Variants in KCNQ1 observed in about 807,000 individuals in gnomAD.
The protein encoded by KCNQ1 is potassium voltage-gated channel subfamily KQT member 1.
In KCNQ1, 49 loss-of-function variants were observed where a neutral mutation model predicts 72.4. The ratio of observed to expected loss-of-function variants is 0.68; its 90% CI spans 0.54 to 0.86. The LOEUF is 0.86. KCNQ1 is among the 40% of genes least tolerant of loss of function. The pLI, the probability that KCNQ1 is intolerant of heterozygous loss-of-function variation, is 0.00. For synonymous variants in KCNQ1, 450 were observed against 412.6 expected (o/e 1.09, Z -1.10); for missense variants, 790 against 945.1 (o/e 0.84, Z 2.15).
chr11:2,644,030 C>G (rs1564843225), intron 10 of KCNQ1: 1 of 398,438 alleles, frequency 2.5e-6, no homozygotes, highest in Non-Finnish European at 4.4e-6. Flanking sequence ...TTTTATGATT[C>G]TCTCTTTGTC....
In KCNQ1 at chr11:2,538,096, C is replaced by T. The variant is rs763561565; in HGVS notation, c.477+10078C>T. ...TTCTCCGTATAAAGCCCGTGTATAT[C>T]CTCTGGAATGAGGACCTTCAACTTA... On this transcript the variant is annotated intron_variant, in intron 2 of 15. Coordinates refer to ENST00000155840, the MANE Select transcript of KCNQ1 (RefSeq NM_000218.3). The surrounding 1 kb of genome is among the most constrained non-coding windows in gnomAD (Gnocchi z 6.7). Among the ~76,000 whole-genome samples the T allele has an allele frequency of 1.3e-5, 2 of 152,166 alleles. No homozygotes were observed. Among genetic ancestry groups the T allele is most frequent in the Non-Finnish European group, 2.9e-5 (2 of 68,038 alleles).
chr11:2,498,718 G>A lies in KCNQ1; in HGVS notation c.387-29210G>A, dbSNP rs1418813629. Among the ~76,000 whole-genome samples, 1 of 151,854 alleles carries A rather than the reference G, an allele frequency of 6.6e-6. No homozygotes were observed. Among genetic ancestry groups the A allele is most frequent in the African/African-American group, 2.4e-5 (1 of 41,160 alleles). On this transcript the variant is annotated intron_variant, in intron 1 of 15. Transcript: ENST00000155840. This position sits in a 1 kb window ranked among gnomAD's most constrained non-coding sequence, Gnocchi z 4.8. ...TGATTCTGTCTTGCTGGGGTTCCAG[G>A]CACCACTGGGGTACAGAAAAAACTC... is the stretch of plus-strand genomic sequence containing the variant.
chr11:2,847,656 C>G (rs1175301031), intron 15 of KCNQ1, 111 bp from the exon 16 acceptor site: 1 of 1,012,682 alleles, frequency 9.9e-7, no homozygotes, highest in African/African-American at 1.6e-5. Flanking sequence ...CATGCACTTG[C>G]AGAGACGGTT....
chr11:2,722,016 C>T (rs1018745897), intron 11 of KCNQ1, among the ~76,000 whole-genome samples: 1 of 152,208 alleles, frequency 6.6e-6, no homozygotes, highest in Non-Finnish European at 1.5e-5. Flanking sequence ...AGGCACATGC[C>T]GAGCTTTCCT....
intron 1 of KCNQ1, among the ~76,000 whole-genome samples, chr11:2,470,106 G>T (rs1232492879): frequency 6.6e-6 from 1 of 151,982 alleles, no homozygotes; most frequent in Non-Finnish European, 1.5e-5. Flanking sequence ...GACCACAGGC[G>T]CATGTCACCA....
rs146656011 is a variant in KCNQ1 at position 2,483,421 on chromosome 11, G to A, written c.386+37937G>A. ...ATAACGGGGTGTATTGACCAAAACC[G>A]ACACCTGATACATTACCGTGAACTC... On this transcript the variant is annotated intron_variant, in intron 1 of 15. Transcript: ENST00000155840. This position sits in a 1 kb window ranked among gnomAD's most constrained non-coding sequence, Gnocchi z 6.1. Among the ~76,000 whole-genome samples the A allele has an allele frequency of 7.2e-4, 110 of 152,238 alleles. No individual in the cohort carries two copies. The East Asian group carries it at 0.013, about 18-fold the overall frequency.
chr11:2,605,627 C>G (rs924549073), intron 10 of KCNQ1, among the ~76,000 whole-genome samples: 1 of 152,218 alleles, frequency 6.6e-6, no homozygotes, highest in South Asian at 2.1e-4. Context: ...CACTCTGATT[C>G]TATTCCCTTG....
chr11:2,614,357 AT>A (rs1406227239), intron 10 of KCNQ1: 3 of 398,422 alleles, frequency 7.5e-6, no homozygotes, highest in Non-Finnish European at 1.3e-5. Flanking sequence ...CACCCTTTAA[AT>A]TTTTTAAGTA....
chr11:2,531,734 T>G (rs1847636935), intron 2 of KCNQ1, among the ~76,000 whole-genome samples: 2 of 152,190 alleles, frequency 1.3e-5, no homozygotes, highest in Non-Finnish European at 1.5e-5. Flanking sequence ...CCTCTGCCTT[T>G]TCCACTGCTT....
chr11:2,449,451 G>T (rs1468996850), intron 1 of KCNQ1, among the ~76,000 whole-genome samples: 1 of 152,226 alleles, frequency 6.6e-6, no homozygotes, highest in Non-Finnish European at 1.5e-5. Flanking sequence ...CTTCCGCTGG[G>T]CCTGAAGGCC....
In KCNQ1 at chr11:2,619,419, A is replaced by G. The variant is rs140921583; in HGVS notation, c.1393+30565A>G. ...TTCATCAAATACTTTTTGTGTGTCA[A>G]TTGAGATGATCATGTGGTTTTCATC... On this transcript the variant is annotated intron_variant, in intron 10 of 15. Coordinates refer to ENST00000155840, the MANE Select transcript of KCNQ1 (RefSeq NM_000218.3). The G allele has an allele frequency of 7.2e-4, 287 of 398,586 alleles. 2 individuals carry two copies. Among genetic ancestry groups the G allele is most frequent in the African/African-American group, 5.4e-3 (263 of 48,756 alleles). The allele number at this position is 398,586 out of a possible 1,614,324, so 24.7% of individuals were successfully genotyped here.
At chr11:2,499,761 C>T (rs563877052) in intron 1 of KCNQ1, among the ~76,000 whole-genome samples, 97 of 152,220 alleles carry the variant, frequency 6.4e-4, no homozygotes, top group African/African-American at 2.1e-3. Flanking sequence ...TTCAGCAAGA[C>T]GATATAACAA....
At position 2,647,135 on chromosome 11, in the gene KCNQ1, T is replaced by G. The variant is rs1849678456; in HGVS notation, c.1394-14826T>G. 2 of 398,446 alleles carry G rather than the reference T, an allele frequency of 5.0e-6. No homozygotes were observed. The highest frequency in any genetic ancestry group is 8.8e-6 in the Non-Finnish European group (2 of 226,060). 24.7% of individuals were successfully genotyped at this position (398,446 alleles called of 1,614,324 possible). Reference sequence around the variant, plus strand: ...TTTGTCATATATGACCTTCATTGAGTTATGTTCCTTCTAGACATTATGTGA... The same window carrying G: ...TTTGTCATATATGACCTTCATTGAGGTATGTTCCTTCTAGACATTATGTGA... On this transcript the variant is annotated intron_variant, in intron 10 of 15. Coordinates refer to ENST00000155840, the MANE Select transcript of KCNQ1 (RefSeq NM_000218.3). The surrounding 1 kb of genome is among the most constrained non-coding windows in gnomAD (Gnocchi z 4.0).
intron 15 of KCNQ1, among the ~76,000 whole-genome samples, chr11:2,812,837 G>A (rs192140888): frequency 1.1e-3 from 166 of 152,326 alleles, no homozygotes; most frequent in African/African-American, 3.6e-3. Flanking sequence ...GGGGGCTTCC[G>A]CCTCAAGGCC....
chr11:2,630,280 A>AT (rs1308084255), intron 10 of KCNQ1: 4 of 398,094 alleles, frequency 1.0e-5, no homozygotes, highest in East Asian at 3.6e-5. Context: ...GTGATATATG[A>AT]TTTTTTTAAT....
rs35618307 is a variant in KCNQ1 at position 2,619,712 on chromosome 11, A to ATTT, written c.1393+30869_1393+30871dup. The ATTT allele has an allele frequency of 3.7e-3, 1,360 of 368,020 alleles. 19 individuals carry two copies. The highest frequency in any genetic ancestry group is 0.025 in the African/African-American group (1,138 of 44,980). The allele number at this position is 368,020 out of a possible 1,614,324, so 22.8% of individuals were successfully genotyped here. ...GTTAGGAAGTATTCCCTTTAGCTGCATTTTTTTTTTTTTGGAAGTATTCCC... is the reference window on the plus strand; with the variant it reads ...GTTAGGAAGTATTCCCTTTAGCTGCATTTTTTTTTTTTTTTTGGAAGTATTCCC... On this transcript the variant is annotated intron_variant, in intron 10 of 15. Transcript: ENST00000155840.
intron 11 of KCNQ1, among the ~76,000 whole-genome samples, chr11:2,705,215 G>A (rs1465991304): frequency 4.6e-5 from 7 of 152,218 alleles, no homozygotes; most frequent in South Asian, 2.1e-4. Flanking sequence ...GCAGATTTGC[G>A]TTCCTGCATT....
intron 10 of KCNQ1, chr11:2,649,714 CTT>C (rs371144941): frequency 2.5e-6 from 1 of 398,406 alleles, no homozygotes; most frequent in Non-Finnish European, 4.4e-6. Flanking sequence ...ATGCTTCTCT[CTT>C]GTTTTTTAAA....
Position 2,752,225 on chromosome 11 carries a change from T to C in KCNQ1, c.1515-16619T>C, listed in dbSNP as rs1846238164. Among the ~76,000 whole-genome samples the C allele has an allele frequency of 6.6e-6, 1 of 152,108 alleles. No individual in the cohort carries two copies. Among genetic ancestry groups the C allele is most frequent in the Non-Finnish European group, 1.5e-5 (1 of 68,028 alleles). On this transcript the variant is annotated intron_variant, in intron 11 of 15. Coordinates refer to ENST00000155840, the MANE Select transcript of KCNQ1 (RefSeq NM_000218.3). This position sits in a 1 kb window ranked among gnomAD's most constrained non-coding sequence, Gnocchi z 5.2. The stretch of plus-strand genomic sequence containing the variant: ...TGAGTTGAGGTGACTGGGTTGATTT[T>C]AGCTTCACAGGTGATCTGAACCCAG...
Sources: gnomAD v4.1 joint callset for allele counts (sites outside exome capture counted in the v4.1 genomes callset) on GRCh38, gnomAD v4.1.1 for gene constraint, Gnocchi (gnomAD v3.1) non-coding constraint, MANE v1.5 for transcripts, NCBI Gene and HGNC (gene_info 2026-07-23, HGNC 2026-07-21) for gene names.